The following VMP1 variants were observed in gnomAD, a reference collection of about 807,000 sequenced individuals.
The protein encoded by VMP1 is vacuole membrane protein 1, also known as ectopic P-granules autophagy protein 3 homolog.
In VMP1, 11 loss-of-function variants were observed where a neutral mutation model predicts 56.0. The ratio of observed to expected loss-of-function variants is 0.20; its 90% CI spans 0.12 to 0.32. The LOEUF is 0.32. VMP1 is among the 10% of genes least tolerant of loss of function. The pLI is 1.00. For synonymous variants in VMP1, 149 were observed against 165.0 expected (o/e 0.90, Z 0.74); for missense variants, 296 against 490.3 (o/e 0.60, Z 3.74).
chr17:59,737,032 C>T (rs1351511227), intron 3 of VMP1, among the ~76,000 whole-genome samples: 1 of 151,598 alleles, frequency 6.6e-6, no homozygotes, highest in East Asian at 1.9e-4. Context: ...AAGACTCCAT[C>T]TCAAAAAAAA....
chr17:59,798,582 G>C (rs926965111), intron 7 of VMP1, among the ~76,000 whole-genome samples: 2 of 152,128 alleles, frequency 1.3e-5, no homozygotes, highest in African/African-American at 4.8e-5. Context: ...ATTTTATTCT[G>C]TTCATTAAAA....
At chr17:59,836,637 G>T (rs1475391379) in intron 10 of VMP1, among the ~76,000 whole-genome samples, 2 of 151,534 alleles carry the variant, frequency 1.3e-5, no homozygotes, top group Non-Finnish European at 2.9e-5. Flanking sequence ...GTGTGTGTGT[G>T]TGCGCACACA....
chr17:59,769,814 A>G (rs1005540492), intron 6 of VMP1, among the ~76,000 whole-genome samples: 1 of 152,232 alleles, frequency 6.6e-6, no homozygotes, highest in Non-Finnish European at 1.5e-5. Flanking sequence ...TTTGTTTTGA[A>G]TATAAACAAA....
At chr17:59,772,431 A>G (rs757507292) in intron 6 of VMP1, among the ~76,000 whole-genome samples, 44 of 152,198 alleles carry the variant, frequency 2.9e-4, no homozygotes, top group Non-Finnish European at 5.7e-4. Flanking sequence ...AGGCAGAACC[A>G]TAAGACAGAG....
intron 7 of VMP1, chr17:59,784,878 T>A (rs1297279412): frequency 6.6e-6 from 1 of 152,134 alleles, no homozygotes; most frequent in Non-Finnish European, 1.5e-5. Flanking sequence ...CTTTTTAAAA[T>A]TTTTTTATTT....
intron 5 of VMP1, among the ~76,000 whole-genome samples, chr17:59,761,777 T>C (rs890034955): frequency 6.6e-6 from 1 of 152,046 alleles, no homozygotes; most frequent in African/African-American, 2.4e-5. Context: ...TGCAGCTTTG[T>C]GTGCCAGAGT....
At chr17:59,830,183 C>G (rs1414675306) in intron 10 of VMP1, among the ~76,000 whole-genome samples, 1 of 151,964 alleles carries the variant, frequency 6.6e-6, no homozygotes, top group Non-Finnish European at 1.5e-5. Flanking sequence ...CCTCCCAGGC[C>G]CAAGTGATCC....
intron 5 of VMP1, among the ~76,000 whole-genome samples, chr17:59,750,660 G>T (rs2035605674): frequency 6.6e-6 from 1 of 151,966 alleles, no homozygotes; most frequent in Non-Finnish European, 1.5e-5. Context: ...CTTGTCTCTG[G>T]TTTATCTTTA....
intron 7 of VMP1, among the ~76,000 whole-genome samples, chr17:59,794,521 T>C (rs1485839666): frequency 4.0e-4 from 2 of 4,996 alleles, no homozygotes; most frequent in Non-Finnish European, 8.0e-4. Context: ...CCCTGCATTT[T>C]TTTTTTTTTT....
chr17:59,829,065 G>A (rs922417655), intron 10 of VMP1, among the ~76,000 whole-genome samples: 2 of 152,120 alleles, frequency 1.3e-5, no homozygotes, highest in Non-Finnish European at 2.9e-5. Context: ...GCAGTGAGCC[G>A]AGATTGCGCC....
intron 1 of VMP1, among the ~76,000 whole-genome samples, chr17:59,723,959 C>T (rs548321495): frequency 1.3e-5 from 2 of 152,140 alleles, no homozygotes; most frequent in South Asian, 2.1e-4. Context: ...TGCCTGTAAT[C>T]CCAGCACTTT....
Position 59,773,873 on chromosome 17 carries a change from A to G in VMP1, c.702A>G (p.Ala234=). The G allele has an allele frequency of 1.2e-6, 2 of 1,612,736 alleles. No individual in the cohort carries two copies. The highest frequency in any genetic ancestry group is 1.7e-6 in the Non-Finnish European group (2 of 1,179,432). The part of the protein sequence containing the change: ...YQEFEEMLEH[A]ESAQDFASRA... ...AATTTGAAGAGATGCTGGAACATGCAGAGTCTGCACAAGTAAGAACAGTGG... is the reference window on the plus strand; with the variant it reads ...AATTTGAAGAGATGCTGGAACATGCGGAGTCTGCACAAGTAAGAACAGTGG... The change falls in exon 7 of 12, where the codon GCA becomes GCG. Residue 234 remains alanine, a synonymous_variant. Transcript: ENST00000262291.
chr17:59,834,698 C>T (rs1208513564), intron 10 of VMP1, among the ~76,000 whole-genome samples: 1 of 151,108 alleles, frequency 6.6e-6, no homozygotes, highest in Non-Finnish European at 1.5e-5. Flanking sequence ...GATCTGGGCT[C>T]ACTGCAACCA....
chr17:59,823,732 C>G (rs2038536735), intron 10 of VMP1, among the ~76,000 whole-genome samples: 1 of 151,418 alleles, frequency 6.6e-6, no homozygotes, highest in Non-Finnish European at 1.5e-5. Context: ...ACCTGGGTGA[C>G]AGAGCGAGAC....
chr17:59,798,263 A>G (rs757329458), intron 7 of VMP1, among the ~76,000 whole-genome samples: 4 of 152,146 alleles, frequency 2.6e-5, no homozygotes, highest in Non-Finnish European at 5.9e-5. Flanking sequence ...ATAGCTCCCT[A>G]TTTTTGGCAC....
chr17:59,791,653 A>G (rs1241802700), intron 7 of VMP1, among the ~76,000 whole-genome samples: 1 of 138,736 alleles, frequency 7.2e-6, no homozygotes. Flanking sequence ...TAGTAGAGAC[A>G]GGGTTTCACC....
intron 1 of VMP1, among the ~76,000 whole-genome samples, chr17:59,727,385 C>G (rs2034650736): frequency 6.6e-6 from 1 of 152,188 alleles, no homozygotes; most frequent in Admixed American, 6.5e-5. Flanking sequence ...CTGCCCGCCT[C>G]AGCCTTCGAA....
intron 1 of VMP1, among the ~76,000 whole-genome samples, chr17:59,722,117 G>A (rs1211417641): frequency 6.6e-6 from 1 of 152,196 alleles, no homozygotes; most frequent in Non-Finnish European, 1.5e-5. Context: ...CTTAAAGGCA[G>A]TATCTCCAAA....
intron 7 of VMP1, among the ~76,000 whole-genome samples, chr17:59,794,794 A>G (rs997189397): frequency 6.6e-6 from 1 of 151,236 alleles, no homozygotes; most frequent in African/African-American, 2.4e-5. Flanking sequence ...CCTAGACTAT[A>G]CAAGAAATGT....
Sources: gnomAD v4.1 joint callset for allele counts (sites outside exome capture counted in the v4.1 genomes callset) on GRCh38, gnomAD v4.1.1 for gene constraint, MANE v1.5 for transcripts, NCBI Gene and HGNC (gene_info 2026-07-23, HGNC 2026-07-21) for gene names.